SLC16A7: variants seen among roughly 807,000 people sequenced by gnomAD.
The protein encoded by SLC16A7 is solute carrier family 16 member 7, also known as monocarboxylate transporter 2.
SLC16A7 carries 33 observed loss-of-function variants against 34.9 expected under a neutral mutation model. That is an observed-to-expected ratio of 0.94 (90% CI 0.72 to 1.26). The LOEUF is 1.26. SLC16A7 is among the 50% of genes most tolerant of loss of function. SLC16A7 has a pLI of 0.00. For synonymous variants in SLC16A7, 201 were observed against 206.6 expected (o/e 0.97, Z 0.23); for missense variants, 573 against 578.1 (o/e 0.99, Z 0.09).
rs910807605 is a variant in SLC16A7 at position 59,783,119 on chromosome 12, T to G, written c.*3440T>G. On this transcript the variant is annotated 3_prime_UTR_variant, in exon 6 of 6. Coordinates refer to ENST00000547379, the MANE Select transcript of SLC16A7 (RefSeq NM_001270623.2). ...TAGATGACATAAATATGAAGAGATA[T>G]TCTTGGTCAGTTGGTTGAAACATTT... The G allele has an allele frequency of 2.0e-5, 3 of 152,180 alleles. No individual in the cohort carries two copies. The highest frequency in any genetic ancestry group is 7.2e-5 in the African/African-American group (3 of 41,458). 9.4% of individuals were successfully genotyped at this position (152,180 alleles called of 1,614,324 possible).
chr12:59,679,915 A>G (rs1234215501), intron 2 of SLC16A7, among the ~76,000 whole-genome samples: 1 of 152,214 alleles, frequency 6.6e-6, no homozygotes, highest in Non-Finnish European at 1.5e-5. Context: ...TGAAACGATC[A>G]TTTCAGAGAC....
At chr12:59,772,811 A>G in intron 4 of SLC16A7, among the ~76,000 whole-genome samples, 1 of 152,176 alleles carries the variant, frequency 6.6e-6, no homozygotes, top group Non-Finnish European at 1.5e-5. Context: ...ATATTTGCAA[A>G]TAATCATAAT....
At chr12:59,641,933 A>G (rs1430652750) in intron 1 of SLC16A7, among the ~76,000 whole-genome samples, 1 of 152,046 alleles carries the variant, frequency 6.6e-6, no homozygotes, top group African/African-American at 2.4e-5. Flanking sequence ...ATTTTGGATT[A>G]TCAAAACTGT....
intron 1 of SLC16A7, among the ~76,000 whole-genome samples, chr12:59,651,635 G>T (rs1868344101): frequency 6.6e-6 from 1 of 152,084 alleles, no homozygotes; most frequent in Admixed American, 6.6e-5. Context: ...GTATGATGTG[G>T]TGTCTCATGC....
chr12:59,699,352 A>C (rs1335636120), intron 2 of SLC16A7, among the ~76,000 whole-genome samples: 5 of 151,734 alleles, frequency 3.3e-5, no homozygotes. Flanking sequence ...ACATGAAAAG[A>C]TACTCAAAAT....
chr12:59,719,804 C>A, intron 3 of SLC16A7: 1 of 328,224 alleles, frequency 3.0e-6, no homozygotes, highest in Non-Finnish European at 5.5e-6. Context: ...CAAATGCTGC[C>A]CTAGATTTGC....
At chr12:59,755,291 A>T (rs530222504) in intron 3 of SLC16A7, among the ~76,000 whole-genome samples, 1 of 152,186 alleles carries the variant, frequency 6.6e-6, no homozygotes, top group African/African-American at 2.4e-5. Context: ...AGGGTATTCA[A>T]TTAGGAAAAG....
At chr12:59,677,322 A>G (rs1870392942) in intron 2 of SLC16A7, among the ~76,000 whole-genome samples, 1 of 152,160 alleles carries the variant, frequency 6.6e-6, no homozygotes, top group South Asian at 2.1e-4. Flanking sequence ...AATATTAAAG[A>G]GATTTTTTTA....
chr12:59,740,214 T>C (rs1216305164), intron 3 of SLC16A7, among the ~76,000 whole-genome samples: 33 of 151,902 alleles, frequency 2.2e-4, no homozygotes, highest in Middle Eastern at 3.4e-3. Flanking sequence ...CTTGAATTAA[T>C]TTTTGTATAA....
intron 3 of SLC16A7, among the ~76,000 whole-genome samples, chr12:59,713,140 C>G (rs1264560359): frequency 2.6e-5 from 4 of 152,204 alleles, no homozygotes; most frequent in East Asian, 3.9e-4. Context: ...CCTCCTCAGC[C>G]TCTTGAGTAG....
At chr12:59,702,004 A>G (rs1366759598) in intron 2 of SLC16A7, among the ~76,000 whole-genome samples, 1 of 151,868 alleles carries the variant, frequency 6.6e-6, no homozygotes, top group Non-Finnish European at 1.5e-5. Flanking sequence ...AACTGTTTTT[A>G]CACGCTGATT....
chr12:59,769,678 A>G (rs1882034304), intron 3 of SLC16A7, among the ~76,000 whole-genome samples: 1 of 152,084 alleles, frequency 6.6e-6, no homozygotes, highest in African/African-American at 2.4e-5. Flanking sequence ...TTTTTTGCAG[A>G]ATAAAAATAA....
chr12:59,610,447 C>T (rs1454842879), intron 1 of SLC16A7, among the ~76,000 whole-genome samples: 1 of 152,156 alleles, frequency 6.6e-6, no homozygotes, highest in Non-Finnish European at 1.5e-5. Flanking sequence ...ATTAGGGTTA[C>T]ATTTAAATAA....
chr12:59,648,601 C>G (rs2137015088), intron 1 of SLC16A7, among the ~76,000 whole-genome samples: 1 of 152,116 alleles, frequency 6.6e-6, no homozygotes, highest in African/African-American at 2.4e-5. Context: ...AGAAACATTG[C>G]AGCTGAACAG....
chr12:59,696,908 G>A (rs964044729), intron 2 of SLC16A7, among the ~76,000 whole-genome samples: 1 of 151,856 alleles, frequency 6.6e-6, no homozygotes, highest in South Asian at 2.1e-4. Flanking sequence ...TCAAATCAAG[G>A]AAATATGCTG....
At chr12:59,682,507 G>T (rs952236835) in intron 2 of SLC16A7, among the ~76,000 whole-genome samples, 1 of 152,106 alleles carries the variant, frequency 6.6e-6, no homozygotes, top group Admixed American at 6.5e-5. Context: ...GATTTGGAAA[G>T]AGACATGAAT....
chr12:59,727,468 T>A (rs1230637247), intron 3 of SLC16A7, among the ~76,000 whole-genome samples: 1 of 152,156 alleles, frequency 6.6e-6, no homozygotes, highest in Non-Finnish European at 1.5e-5. Flanking sequence ...TTTTGTGATC[T>A]AATCCAGCAA....
chr12:59,598,677 G>A lies in SLC16A7; in HGVS notation c.-130+2441G>A, dbSNP rs190724594. Among the ~76,000 whole-genome samples, 244 of 152,274 alleles carry A rather than the reference G, an allele frequency of 1.6e-3. 1 individual carries two copies. Among genetic ancestry groups the A allele is most frequent in the African/African-American group, 5.2e-3 (216 of 41,560 alleles). ...TCCTTAATGAATAAAAACAGGTAATGAAGGATTTTTCTTCATGTTATGAGG... is the reference window on the plus strand; with the variant it reads ...TCCTTAATGAATAAAAACAGGTAATAAAGGATTTTTCTTCATGTTATGAGG... On this transcript the variant is annotated intron_variant, in intron 1 of 5. Transcript: ENST00000547379.
rs1000071756 is a variant in SLC16A7 at position 59,596,130 on chromosome 12, T to C, written c.-236T>C. On this transcript the variant is annotated 5_prime_UTR_variant, in exon 1 of 6. Coordinates refer to ENST00000547379, the MANE Select transcript of SLC16A7 (RefSeq NM_001270623.2). The surrounding 1 kb of genome is among the most constrained non-coding windows in gnomAD (Gnocchi z 5.0). ...GCGGGCGAGGACACGTCAGGGGCCA[T>C]AAATAAATAAATAATTCCATTCACC... is the stretch of plus-strand genomic sequence containing the variant. 1.2e-4 allele frequency: 19 copies of C among 152,180 alleles called. No individual in the cohort carries two copies. The highest frequency in any genetic ancestry group is 4.6e-4 in the African/African-American group (19 of 41,540). The allele number at this position is 152,180 out of a possible 1,614,324, so 9.4% of individuals were successfully genotyped here.
Sources: gnomAD v4.1 joint callset for allele counts (sites outside exome capture counted in the v4.1 genomes callset) on GRCh38, gnomAD v4.1.1 for gene constraint, Gnocchi (gnomAD v3.1) non-coding constraint, MANE v1.5 for transcripts, NCBI Gene and HGNC (gene_info 2026-07-23, HGNC 2026-07-21) for gene names.